Variants in ITSN1 observed in about 807,000 individuals in gnomAD.
ITSN1 encodes the protein intersectin-1.
ITSN1 carries 58 observed loss-of-function variants against 239.8 expected under a neutral mutation model. The observed-to-expected ratio is 0.24, with a 90% CI of 0.20 to 0.30. The LOEUF is 0.30. ITSN1 is among the 10% of genes least tolerant of loss of function. ITSN1 has a pLI of 1.00. For synonymous variants in ITSN1, 780 were observed against 770.8 expected (o/e 1.01, Z -0.20); for missense variants, 1,558 against 2,103.3 (o/e 0.74, Z 5.07).
At chr21:33,675,918 A>T (rs1048500985) in intron 1 of ITSN1, among the ~76,000 whole-genome samples, 1 of 152,046 alleles carries the variant, frequency 6.6e-6, no homozygotes, top group Non-Finnish European at 1.5e-5. Flanking sequence ...TATGCTTCAG[A>T]TATTTGTTTC....
intron 29 of ITSN1, among the ~76,000 whole-genome samples, chr21:33,849,944 G>A (rs1023285301): frequency 1.2e-4 from 18 of 152,168 alleles, no homozygotes; most frequent in Admixed American, 6.5e-5. Context: ...ACAGGAGAGG[G>A]CACAGTGAGA....
At position 33,668,287 on chromosome 21, in the gene ITSN1, T is replaced by C. The variant is rs893600459; in HGVS notation, c.-33+25574T>C. On this transcript the variant is annotated intron_variant, in intron 1 of 39. Transcript: ENST00000381318. ...AAATTGGAGTCTTTTAGGATTCATA[T>C]TATTGAAACGCAATTTGTCAACCTC... Among the ~76,000 whole-genome samples, 5 of 152,242 alleles carry C rather than the reference T, an allele frequency of 3.3e-5. No individual in the cohort carries two copies. The East Asian group carries it at 9.6e-4, about 29-fold the overall frequency.
At chr21:33,856,343 G>A (rs534074696) in intron 29 of ITSN1, among the ~76,000 whole-genome samples, 19 of 152,226 alleles carry the variant, frequency 1.2e-4, no homozygotes, top group African/African-American at 4.6e-4. Flanking sequence ...CCTGGAGGCC[G>A]GAAGTCTAAA....
intron 1 of ITSN1, among the ~76,000 whole-genome samples, chr21:33,700,135 G>T (rs2091946337): frequency 6.6e-6 from 1 of 151,670 alleles, no homozygotes; most frequent in African/African-American, 2.4e-5. Flanking sequence ...CCAGGCTGGA[G>T]TGCAGTGGCA....
At chr21:33,776,735 CA>C (rs1375897267) in intron 14 of ITSN1, among the ~76,000 whole-genome samples, 2 of 152,044 alleles carry the variant, frequency 1.3e-5, no homozygotes, top group Non-Finnish European at 2.9e-5. Context: ...AGTGTCTGAA[CA>C]AATCTTTTGC....
At chr21:33,714,047 G>T (rs1034078777) in intron 1 of ITSN1, among the ~76,000 whole-genome samples, 4 of 151,914 alleles carry the variant, frequency 2.6e-5, no homozygotes, top group African/African-American at 9.7e-5. Context: ...AGCCAGGATG[G>T]TCTCCATCTC....
In ITSN1 at chr21:33,773,394, A is replaced by G. The variant is rs376234589; in HGVS notation, c.1305+1071A>G. 3.2e-3 allele frequency among the ~76,000 whole-genome samples: 493 copies of G among 152,296 alleles called. 3 individuals carry two copies. Among genetic ancestry groups the G allele is most frequent in the African/African-American group, 0.011 (449 of 41,558 alleles). ...TGGAAGGCTTCGTAAATTTAGCGCC[A>G]TACCTGGAAAGGGGCTAAGCAAATC... On this transcript the variant is annotated intron_variant, in intron 12 of 39. Transcript: ENST00000381318.
chr21:33,820,664 A>AAACCTT (rs1298065556), intron 24 of ITSN1, among the ~76,000 whole-genome samples: 2 of 152,224 alleles, frequency 1.3e-5, no homozygotes, highest in African/African-American at 4.8e-5. Context: ...TATAGCTATA[A>AAACCTT]AACCTTATCA....
intron 1 of ITSN1, among the ~76,000 whole-genome samples, chr21:33,649,526 G>A (rs1005525286): frequency 5.3e-5 from 8 of 152,076 alleles, no homozygotes; most frequent in Non-Finnish European, 1.0e-4. Context: ...AATTGTTTTG[G>A]CTTCAGCTCT....
At chr21:33,708,396 G>GT (rs566350657) in intron 1 of ITSN1, among the ~76,000 whole-genome samples, 36 of 149,250 alleles carry the variant, frequency 2.4e-4, no homozygotes, top group East Asian at 2.0e-3. Flanking sequence ...TTTCTTTTTT[G>GT]TTTTTTTTTG....
chr21:33,691,536 C>G (rs558781379), intron 1 of ITSN1, among the ~76,000 whole-genome samples: 1 of 152,102 alleles, frequency 6.6e-6, no homozygotes, highest in Non-Finnish European at 1.5e-5. Context: ...AGTCAAGTAG[C>G]AGAATATGGT....
intron 9 of ITSN1, among the ~76,000 whole-genome samples, chr21:33,765,385 C>T (rs139494782): frequency 8.0e-4 from 122 of 152,208 alleles, no homozygotes; most frequent in African/African-American, 2.8e-3. Context: ...TGTAATCTCA[C>T]GTTTGGGAGG....
intron 32 of ITSN1, among the ~76,000 whole-genome samples, chr21:33,866,846 AT>A (rs996754432): frequency 9.9e-5 from 15 of 151,996 alleles, no homozygotes; most frequent in Non-Finnish European, 2.9e-5. Flanking sequence ...TGTAAGGGGA[AT>A]TTTTCCTCTA....
chr21:33,853,112 T>C (rs1348796600), intron 29 of ITSN1, among the ~76,000 whole-genome samples: 8 of 152,212 alleles, frequency 5.3e-5, no homozygotes, highest in Non-Finnish European at 1.0e-4. Flanking sequence ...GCTAAAAAGA[T>C]GATTCCAAGC....
intron 29 of ITSN1, among the ~76,000 whole-genome samples, chr21:33,848,821 G>C (rs1035352531): frequency 2.0e-5 from 3 of 152,112 alleles, no homozygotes; most frequent in African/African-American, 7.2e-5. Flanking sequence ...CCCTCCATTT[G>C]AATCCCTCAC....
intron 29 of ITSN1, chr21:33,837,048 A>G (rs2074643168): frequency 1.2e-6 from 2 of 1,609,726 alleles, no homozygotes; most frequent in Admixed American, 1.7e-5. Flanking sequence ...CCACTATCCC[A>G]TATCACTGCC....
intron 29 of ITSN1, chr21:33,837,817 G>A (rs542383408): frequency 4.1e-6 from 4 of 985,882 alleles, no homozygotes; most frequent in South Asian, 9.4e-5. Flanking sequence ...GGTTGAGTTG[G>A]TGTTTTGTTT....
chr21:33,820,820 G>A (rs1166566365), intron 24 of ITSN1, among the ~76,000 whole-genome samples: 1 of 152,064 alleles, frequency 6.6e-6, no homozygotes, highest in East Asian at 1.9e-4. Context: ...CATGCAGTCA[G>A]TTTAGTAAAA....
In ITSN1 at chr21:33,834,408, A is replaced by G. The variant is rs1286929224; in HGVS notation, c.3453A>G (p.Ser1151=). Residue 1151 remains serine, a synonymous_variant, in exon 28 of 40, where the codon TCA becomes TCG. Transcript: ENST00000381318. ...SKITPTEPPK[S]TALAAVCQVI... ...TCACTCCAACAGAGCCACCTAAGTC[A>G]ACAGCATTAGCGGCAGGTAAGGAGT... The G allele has an allele frequency of 1.9e-6, 3 of 1,611,800 alleles. No homozygotes were observed. The highest frequency in any genetic ancestry group is 2.5e-6 in the Non-Finnish European group (3 of 1,178,292).
Sources: gnomAD v4.1 joint callset for allele counts (sites outside exome capture counted in the v4.1 genomes callset) on GRCh38, gnomAD v4.1.1 for gene constraint, MANE v1.5 for transcripts, NCBI Gene and HGNC (gene_info 2026-07-23, HGNC 2026-07-21) for gene names.